The following FUT8 variants were observed in gnomAD, a reference collection of about 807,000 sequenced individuals.
The protein encoded by FUT8 is alpha-(1,6)-fucosyltransferase.
FUT8 carries 29 observed loss-of-function variants against 71.3 expected under a neutral mutation model. The observed-to-expected ratio is 0.41, with a 90% confidence interval of 0.30 to 0.55. The LOEUF (loss-of-function observed/expected upper bound fraction) is 0.55. FUT8 is among the 20% of genes least tolerant of loss of function. The pLI is 0.34. For synonymous variants in FUT8, 254 were observed against 239.3 expected (o/e 1.06, Z -0.57); for missense variants, 544 against 702.1 (o/e 0.77, Z 2.55).
At chr14:65,369,825 A>G in the FUT8 span, among the ~76,000 whole-genome samples, 1 of 152,328 alleles carries the variant, frequency 6.6e-6, no homozygotes, top group South Asian at 2.1e-4. The surrounding 1 kb of genome is among the most constrained non-coding windows in gnomAD (Gnocchi z 4.6). Flanking sequence ...AGAAATGACT[A>G]TAAGTATACT....
intron 7 of FUT8, among the ~76,000 whole-genome samples, chr14:65,684,593 G>A (rs1046498079): frequency 2.6e-5 from 4 of 152,144 alleles, no homozygotes; most frequent in Admixed American, 1.3e-4. Context: ...GTTTAGCTTT[G>A]TGTCCCCACC....
At chr14:65,425,976 CAA>C (rs144903947) in intron 1 of FUT8, among the ~76,000 whole-genome samples, 18 of 139,684 alleles carry the variant, frequency 1.3e-4, no homozygotes, top group Admixed American at 4.3e-4. Context: ...GACTCTGTCT[CAA>C]AAAAAAAAAA....
At chr14:65,438,323 TAG>T in intron 1 of FUT8, among the ~76,000 whole-genome samples, 1 of 152,158 alleles carries the variant, frequency 6.6e-6, no homozygotes, top group African/African-American at 2.4e-5. Flanking sequence ...TAATGAAACC[TAG>T]ATAGAGGGCC....
chr14:65,623,270 A>G (rs906216458), intron 5 of FUT8, among the ~76,000 whole-genome samples: 1 of 151,608 alleles, frequency 6.6e-6, no homozygotes, highest in Non-Finnish European at 1.5e-5. Context: ...GCATAGAGGC[A>G]GACTAGAAGT....
Position 65,506,899 on chromosome 14 carries a change from G to A in FUT8, c.-228+51181G>A, listed in dbSNP as rs536551982. ...TGCCCATAGACCCTGACCCGGCCAC[G>A]GATGAATAAAGTACACTGACACACA... On this transcript the variant is annotated intron_variant, in intron 2 of 10. Coordinates refer to ENST00000673929, the MANE Select transcript of FUT8 (RefSeq NM_001371533.1). 2.6e-5 allele frequency among the ~76,000 whole-genome samples: 4 copies of A among 152,316 alleles called. No homozygotes were observed. In the South Asian group the frequency reaches 8.3e-4, roughly 32 times the overall value.
intron 2 of FUT8, among the ~76,000 whole-genome samples, chr14:65,547,111 C>CT (rs925502203): frequency 2.0e-4 from 29 of 147,200 alleles, no homozygotes; most frequent in South Asian, 4.3e-4. Context: ...AGCTTATGTT[C>CT]TTTTTTTTTT....
intron 1 of FUT8, among the ~76,000 whole-genome samples, chr14:65,431,954 A>C (rs2065483272): frequency 6.6e-6 from 1 of 152,188 alleles, no homozygotes; most frequent in African/African-American, 2.4e-5. Flanking sequence ...GCAACAGGCC[A>C]AAGGAAAAAA....
chr14:65,452,666 G>T (rs372097595), intron 1 of FUT8, among the ~76,000 whole-genome samples: 1 of 152,192 alleles, frequency 6.6e-6, no homozygotes, highest in Non-Finnish European at 1.5e-5. Flanking sequence ...ATCAATACAT[G>T]CCTGTAAGGA....
intron 6 of FUT8, among the ~76,000 whole-genome samples, chr14:65,651,699 A>G (rs1451945669): frequency 6.6e-6 from 1 of 152,246 alleles, no homozygotes; most frequent in African/African-American, 2.4e-5. Context: ...AATAGATGAT[A>G]TAAGGGAGAA....
the FUT8 span, among the ~76,000 whole-genome samples, chr14:65,358,156 T>C: frequency 6.6e-6 from 1 of 152,166 alleles, no homozygotes; most frequent in Non-Finnish European, 1.5e-5. Context: ...AACGATGCAG[T>C]CTATGTTTCA....
At chr14:65,584,233 C>T (rs1018600703) in intron 3 of FUT8, among the ~76,000 whole-genome samples, 3 of 148,938 alleles carry the variant, frequency 2.0e-5, no homozygotes, top group Non-Finnish European at 4.4e-5. Context: ...AGCTGGAGTG[C>T]AGTGGTGCGA....
chr14:65,522,107 A>G (rs770840794), intron 2 of FUT8, among the ~76,000 whole-genome samples: 3 of 152,150 alleles, frequency 2.0e-5, no homozygotes, highest in Admixed American at 1.3e-4. Flanking sequence ...TCATCTATGC[A>G]TGGGAAGATA....
At chr14:65,400,822 C>T in the FUT8 span, among the ~76,000 whole-genome samples, 1 of 151,984 alleles carries the variant, frequency 6.6e-6, no homozygotes, top group African/African-American at 2.4e-5. Context: ...GAGGTTGAGG[C>T]TGCAGTGAGC....
At chr14:65,648,948 A>G (rs561285523) in intron 6 of FUT8, among the ~76,000 whole-genome samples, 15 of 152,326 alleles carry the variant, frequency 9.8e-5, no homozygotes, top group South Asian at 2.1e-4. Context: ...TTCAATTTGG[A>G]GAAGTAGGGA....
At chr14:65,514,782 TGC>T (rs1297914217) in intron 2 of FUT8, among the ~76,000 whole-genome samples, 1 of 152,206 alleles carries the variant, frequency 6.6e-6, no homozygotes. Flanking sequence ...TGTATACATG[TGC>T]CAAGCTGGTG....
chr14:65,570,701 G>A (rs1886421480), intron 3 of FUT8, among the ~76,000 whole-genome samples: 1 of 151,936 alleles, frequency 6.6e-6, no homozygotes, highest in Admixed American at 6.6e-5. Flanking sequence ...TTAATTGTGT[G>A]GTAAAGGAAA....
upstream of FUT8, chr14:65,412,544 T>A: frequency 2.8e-6 from 1 of 354,094 alleles, no homozygotes; most frequent in Non-Finnish European, 5.6e-6. Context: ...CTGCTGGAAC[T>A]GTGCCGTCCC....
intron 2 of FUT8, among the ~76,000 whole-genome samples, chr14:65,528,612 T>G (rs1487970865): frequency 1.3e-5 from 2 of 152,162 alleles, no homozygotes; most frequent in African/African-American, 4.8e-5. Context: ...CAGTTGGAAA[T>G]GCAGAAATCA....
At chr14:65,493,314 T>G (rs1319375462) in intron 2 of FUT8, among the ~76,000 whole-genome samples, 5 of 152,110 alleles carry the variant, frequency 3.3e-5, no homozygotes, top group African/African-American at 1.2e-4. Context: ...ACCACTTTAT[T>G]ATGGGCTCCA....
Sources: gnomAD v4.1 joint callset for allele counts (sites outside exome capture counted in the v4.1 genomes callset) on GRCh38, gnomAD v4.1.1 for gene constraint, Gnocchi (gnomAD v3.1) non-coding constraint, MANE v1.5 for transcripts, NCBI Gene and HGNC (gene_info 2026-07-23, HGNC 2026-07-21) for gene names.